MON1B: variants seen among roughly 807,000 people sequenced by gnomAD.
MON1B encodes the protein MON1 vesicular trafficking associated B, also known as vacuolar fusion protein MON1 homolog B.
Under a neutral mutation model 45.1 loss-of-function variants are expected in MON1B, and 26 were observed. The observed-to-expected ratio is 0.58, with a 90% CI of 0.42 to 0.80. MON1B has a LOEUF of 0.80. Among genes scored for constraint, MON1B ranks in the 30% least tolerant of loss-of-function variants. The pLI is 0.00. For synonymous variants in MON1B, 395 were observed against 320.2 expected, an observed-to-expected ratio of 1.23 and a Z score of -2.49; for missense variants, 737 against 754.5, an observed-to-expected ratio of 0.98 and a Z score of 0.27.
In MON1B at chr16:77,196,739, G is replaced by A. The variant is rs188950107; in HGVS notation, c.1443+1057G>A. Among the ~76,000 whole-genome samples the A allele has an allele frequency of 6.6e-3, 1,012 of 152,310 alleles. 9 individuals are homozygous for A. The highest frequency in any genetic ancestry group is 0.022 in the African/African-American group (932 of 41,564). On this transcript the variant is annotated intron_variant, in intron 5 of 5. Coordinates refer to ENST00000248248, the MANE Select transcript of MON1B (RefSeq NM_014940.4). ...TGCCGTGAGCCAAGATCGCGCCACT[G>A]CACTCCAGCCTGGGCGACAGAGTAA...
At position 77,199,437 on chromosome 16, in the gene MON1B, G is replaced by T. The variant is rs1371703786; in HGVS notation, c.*1129G>T. On this transcript the variant is annotated 3_prime_UTR_variant, in exon 6 of 6. Transcript: ENST00000248248. ...GTCATCAAGCGAGGCTCGCGCGCAG[G>T]CCCCGCGTTGGAAAATGGCGGGGAA... 1.3e-6 allele frequency: 2 copies of T among 1,551,456 alleles called. No homozygotes were observed. Among genetic ancestry groups the T allele is most frequent in the South Asian group, 1.2e-5 (1 of 84,052 alleles).
In MON1B at chr16:77,193,773, C is replaced by T. The variant is rs745485300; in HGVS notation, c.471C>T (p.Tyr157=). Residue 157 remains tyrosine, a synonymous_variant, in exon 3 of 6, where the codon TAC becomes TAT. Transcript: ENST00000248248. This position sits in a 1 kb window ranked among gnomAD's most constrained non-coding sequence, Gnocchi z 5.0. The part of the protein sequence containing the change: ...QSAGDAIRAI[Y]AEDHKLVFLQ... The stretch of plus-strand genomic sequence containing the variant: ...CGGGAGATGCCATCCGTGCCATCTA[C>T]GCTGGTGAGCAAACAGGTGGGAGGC... 65 of 1,606,160 alleles carry T rather than the reference C, an allele frequency of 4.0e-5. No individual in the cohort carries two copies. The highest frequency in any genetic ancestry group is 2.5e-4 in the Admixed American group (15 of 59,796).
chr16:77,195,707 A>G (rs2054658740), intron 5 of MON1B, 25 bp downstream of exon 5: 1 of 1,611,788 alleles, frequency 6.2e-7, no homozygotes, highest in African/African-American at 1.3e-5. Context: ...GCTCTGAGTG[A>G]ATTAATTCCC....
Position 77,193,825 on chromosome 16 carries a change from T to C in MON1B, c.475+48T>C. ...GAATGGGGGACAGTGACTGGGAATA[T>C]GGCTGGCACGGGTAGGTCTGTCTGC... On this transcript the variant is annotated intron_variant, in intron 3 of 5. Transcript: ENST00000248248. The surrounding 1 kb of genome is among the most constrained non-coding windows in gnomAD (Gnocchi z 5.0). 6 of 1,557,258 alleles carry C rather than the reference T, an allele frequency of 3.9e-6. No individual in the cohort carries two copies. The highest frequency in any genetic ancestry group is 5.2e-6 in the Non-Finnish European group (6 of 1,147,244).
intron 4 of MON1B, 22 bp downstream of exon 4, chr16:77,195,176 AC>A: frequency 6.6e-7 from 1 of 1,524,678 alleles, no homozygotes; most frequent in Non-Finnish European, 8.8e-7. Flanking sequence ...CCCTAAGGCA[AC>A]TGGCTGGGTG....
chr16:77,195,218 T>C, intron 4 of MON1B, 64 bp downstream of exon 4: 2 of 1,405,384 alleles, frequency 1.4e-6, no homozygotes, highest in African/African-American at 1.4e-5. Flanking sequence ...AAGTTCAGCA[T>C]CTCAGGGATG....
In MON1B at chr16:77,194,498, G is replaced by A; in HGVS notation, c.639G>A (p.Lys213=). ...GTGTCGCCCGCATCTTCGCACACAAGCAGAACTATGACCTCCGCCGCCTGC... is the reference window on the plus strand; with the variant it reads ...GTGTCGCCCGCATCTTCGCACACAAACAGAACTATGACCTCCGCCGCCTGC... ...RASVARIFAH[K]QNYDLRRLLA... is the part of the protein sequence containing the mutation. The change falls in exon 4 of 6, where the codon AAG becomes AAA. Residue 213 remains lysine (K), a synonymous_variant. Coordinates refer to ENST00000248248, the MANE Select transcript of MON1B (RefSeq NM_014940.4). This position sits in a 1 kb window ranked among gnomAD's most constrained non-coding sequence, Gnocchi z 8.1. The A allele has an allele frequency of 3.1e-6, 5 of 1,614,070 alleles. No individual in the cohort carries two copies. Among genetic ancestry groups the A allele is most frequent in the Non-Finnish European group, 4.2e-6 (5 of 1,180,016 alleles).
At position 77,195,625 on chromosome 16, in the gene MON1B, C is replaced by T. The variant is rs1444740092; in HGVS notation, c.1386C>T (p.Thr462=). The T allele has an allele frequency of 6.2e-7, 1 of 1,614,188 alleles. No individual in the cohort carries two copies. Among genetic ancestry groups the T allele is most frequent in the Admixed American group, 1.7e-5 (1 of 60,024 alleles). ...GCCTGCATGCTCGTCTCCACAGCACCTCCCGACCCCTGCGCCTCATTTACC... is the reference window on the plus strand; with the variant it reads ...GCCTGCATGCTCGTCTCCACAGCACTTCCCGACCCCTGCGCCTCATTTACC... ...YHRLHARLHS[T]SRPLRLIYHV... The change falls in exon 5 of 6, where the codon ACC becomes ACT. Residue 462 remains threonine (T), a synonymous_variant. Transcript: ENST00000248248.
In MON1B at chr16:77,200,270, A is replaced by ATATATATATATG. The variant is rs1273001153; in HGVS notation, c.*1963_*1964insATATATATATGT. 1.1e-5 allele frequency: 1 copy of ATATATATATATG among 95,022 alleles called. No individual in the cohort carries two copies. Among genetic ancestry groups the ATATATATATATG allele is most frequent in the African/African-American group, 3.4e-5 (1 of 29,310 alleles). The allele number at this position is 95,022 out of a possible 1,614,324, so 5.9% of individuals were successfully genotyped here. A position where few individuals can be genotyped will look rare whatever the true frequency, so the allele number is the denominator to read the frequency against. On this transcript the variant is annotated 3_prime_UTR_variant, in exon 6 of 6. Coordinates refer to ENST00000248248, the MANE Select transcript of MON1B (RefSeq NM_014940.4). ...TATGTATATGTGTATATATATATAT[A>ATATATATATATG]TGTGTATATATATATATATATACAC...
intron 1 of MON1B, 65 bp from the exon 2 acceptor site, chr16:77,191,411 A>G: frequency 6.3e-7 from 1 of 1,579,322 alleles, no homozygotes; most frequent in Admixed American, 1.8e-5. Context: ...AGGGGGCCTG[A>G]CTCTATAAAG....
chr16:77,200,234 A>ATATATATGTATATGTG lies in MON1B; in HGVS notation c.*1933_*1934insGTATATGTGTATATAT, dbSNP rs2054718469. The ATATATATGTATATGTG allele has an allele frequency of 2.3e-5, 2 of 87,830 alleles. No individual in the cohort carries two copies. Among genetic ancestry groups the ATATATATGTATATGTG allele is most frequent in the African/African-American group, 1.1e-4 (2 of 18,826 alleles). 5.4% of individuals were successfully genotyped at this position (87,830 alleles called of 1,614,324 possible). On this transcript the variant is annotated 3_prime_UTR_variant, in exon 6 of 6. Transcript: ENST00000248248. ...TATATGTATGTATGTATGTGTGTGTATATATATATATATGTATATGTGTAT... is the reference window on the plus strand; with the variant it reads ...TATATGTATGTATGTATGTGTGTGTATATATATGTATATGTGTATATATATATATGTATATGTGTAT...
Position 77,199,629 on chromosome 16 carries a change from A to G in MON1B, c.*1321A>G. 1 of 921,878 alleles carries G rather than the reference A, an allele frequency of 1.1e-6. No individual in the cohort carries two copies. Among genetic ancestry groups the G allele is most frequent in the Non-Finnish European group, 1.6e-6 (1 of 615,224 alleles). The allele number at this position is 921,878 out of a possible 1,614,324, so 57.1% of individuals were successfully genotyped here. A position where few individuals can be genotyped will look rare whatever the true frequency, so the allele number is the denominator to read the frequency against. Reference sequence around the variant, plus strand: ...TTCTAATTTTTTTAAATAAAATGTTAAGCCTTTTGTTATTGAAGAAAAACA... The same window carrying G: ...TTCTAATTTTTTTAAATAAAATGTTGAGCCTTTTGTTATTGAAGAAAAACA... On this transcript the variant is annotated 3_prime_UTR_variant, in exon 6 of 6. Coordinates refer to ENST00000248248, the MANE Select transcript of MON1B (RefSeq NM_014940.4).
At chr16:77,191,695 G>A in intron 2 of MON1B, 62 bp downstream of exon 2, 3 of 1,519,856 alleles carry the variant, frequency 2.0e-6, no homozygotes, top group South Asian at 2.5e-5. Context: ...GTTGGACGGG[G>A]GAAGGGTCAG....
chr16:77,199,250 A>T lies in MON1B; in HGVS notation c.*942A>T, dbSNP rs2142505554. 1 of 574,198 alleles carries T rather than the reference A, an allele frequency of 1.7e-6. No homozygotes were observed. The highest frequency in any genetic ancestry group is 3.0e-5 in the East Asian group (1 of 33,768). The allele number at this position is 574,198 out of a possible 1,614,324, so 35.6% of individuals were successfully genotyped here. A position where few individuals can be genotyped will look rare whatever the true frequency, so the allele number is the denominator to read the frequency against. Reference sequence around the variant, plus strand: ...ACCCTAGTTCTGCCCTTGTTTGTGGAGTTACAGCCTCAAGGTTGTAGCATG... The same window carrying T: ...ACCCTAGTTCTGCCCTTGTTTGTGGTGTTACAGCCTCAAGGTTGTAGCATG... On this transcript the variant is annotated 3_prime_UTR_variant, in exon 6 of 6. Coordinates refer to ENST00000248248, the MANE Select transcript of MON1B (RefSeq NM_014940.4).
intron 5 of MON1B, 138 bp downstream of exon 5, chr16:77,195,820 C>G (rs957791998): frequency 2.9e-6 from 3 of 1,025,492 alleles, no homozygotes; most frequent in Non-Finnish European, 4.2e-6. Flanking sequence ...GCAACACTGT[C>G]CCTGCCTTTA....
chr16:77,195,579 G>T lies in MON1B; in HGVS notation c.1340G>T (p.Arg447Leu). 6.2e-7 allele frequency: 1 copy of T among 1,613,928 alleles called. No homozygotes were observed. Reference protein sequence around the residue: ...APYSREEERQRLSDLYHRLHA... With the variant: ...APYSREEERQLLSDLYHRLHA... Reference sequence around the variant, plus strand: ...TACAGCAGAGAGGAGGAGCGGCAGCGGCTGTCGGACCTGTACCACCGCCTG... The same window carrying T: ...TACAGCAGAGAGGAGGAGCGGCAGCTGCTGTCGGACCTGTACCACCGCCTG... The change falls in exon 5 of 6, where the codon CGG (arginine) becomes CTG (leucine). Residue 447 changes from arginine to leucine, a missense_variant. Transcript: ENST00000248248.
At chr16:77,197,131 T>C (rs1328464232) in intron 5 of MON1B, among the ~76,000 whole-genome samples, 17 of 152,136 alleles carry the variant, frequency 1.1e-4, no homozygotes, top group African/African-American at 3.6e-4. Context: ...CCCAGCACTT[T>C]GGGAGGCTGA....
At chr16:77,195,771 C>T (rs1455611213) in intron 5 of MON1B, 89 bp downstream of exon 5, 3 of 1,500,002 alleles carry the variant, frequency 2.0e-6, no homozygotes, top group Non-Finnish European at 2.7e-6. Flanking sequence ...AGTGCCTCCA[C>T]CAAACACAGC....
rs375201754 is a variant in MON1B, at chr16:77,194,477, C to T, written c.618C>T (p.Val206=). 6.2e-6 allele frequency: 10 copies of T among 1,613,952 alleles called. No individual in the cohort carries two copies. Among genetic ancestry groups the T allele is most frequent in the Admixed American group, 3.3e-5 (2 of 59,994 alleles). Residue 206 remains valine (V), a synonymous_variant, in exon 4 of 6, where the codon GTC becomes GTT. Coordinates refer to ENST00000248248, the MANE Select transcript of MON1B (RefSeq NM_014940.4). The surrounding 1 kb of genome is among the most constrained non-coding windows in gnomAD (Gnocchi z 8.1). ...TGAGCACACTTACACGTGCAAGTGT[C>T]GCCCGCATCTTCGCACACAAGCAGA... ...QIVSTLTRAS[V]ARIFAHKQNY...
Sources: allele counts gnomAD v4.1 joint callset (sites outside exome capture counted in the v4.1 genomes callset), GRCh38; gene constraint gnomAD v4.1.1; non-coding constraint Gnocchi (gnomAD v3.1); transcripts MANE v1.5; gene names NCBI Gene and HGNC (gene_info 2026-07-23, HGNC 2026-07-21).